Variants in PDIA3 observed in about 807,000 individuals in gnomAD.
PDIA3 encodes protein disulfide isomerase family A member 3.
A neutral mutation model predicts 56.9 loss-of-function variants in PDIA3; 16 were observed. The ratio of observed to expected loss-of-function variants is 0.28; its 90% confidence interval spans 0.19 to 0.43. The LOEUF is 0.43. Ranked by LOEUF, PDIA3 falls within the 20% of genes least tolerant of loss-of-function variation. PDIA3 has a pLI of 1.00. For missense variants in PDIA3, 485 were observed against 621.3 expected (o/e 0.78, Z 2.33); for synonymous variants, 192 against 216.5 (o/e 0.89, Z 0.99).
intron 1 of PDIA3, among the ~76,000 whole-genome samples, chr15:43,752,527 A>AGCCAGTACATTTGAAGTCCC (rs2086751407): frequency 6.6e-6 from 1 of 152,244 alleles, no homozygotes; most frequent in Non-Finnish European, 1.5e-5. Context: ...TGAAAAACAT[A>AGCCAGTACATTTGAAGTCCC]GCCAGTACAT....
rs2086891657 is a variant in PDIA3 at position 43,773,205 on chromosome 15, C to G, written c.*1987C>G. ...TGAAGGTACTCACAGCGACGCTTTT[C>G]TTCTCTGTAACTTGGGTACTGCTGC... On this transcript the variant is annotated 3_prime_UTR_variant, in exon 13 of 13. Coordinates refer to ENST00000300289, the MANE Select transcript of PDIA3 (RefSeq NM_005313.5). 6.2e-7 allele frequency: 1 copy of G among 1,613,948 alleles called. No homozygotes were observed. Among genetic ancestry groups the G allele is most frequent in the Non-Finnish European group, 8.5e-7 (1 of 1,179,982 alleles).
At chr15:43,750,019 C>A (rs1053858177) in intron 1 of PDIA3, among the ~76,000 whole-genome samples, 2 of 149,444 alleles carry the variant, frequency 1.3e-5, no homozygotes, top group Non-Finnish European at 3.0e-5. Context: ...TAAGCAAATT[C>A]TTTTTCCGCT....
intron 3 of PDIA3, among the ~76,000 whole-genome samples, chr15:43,760,118 A>G (rs2141651180): frequency 6.6e-6 from 1 of 151,758 alleles, no homozygotes; most frequent in South Asian, 2.1e-4. Flanking sequence ...AAATGGTTTA[A>G]CAAGGCTCAT....
intron 5 of PDIA3, among the ~76,000 whole-genome samples, chr15:43,764,202 A>G (rs2086834387): frequency 6.6e-6 from 1 of 152,136 alleles, no homozygotes; most frequent in South Asian, 2.1e-4. Flanking sequence ...ACAATTTGCA[A>G]CCTCCCACGT....
Position 43,766,800 on chromosome 15 carries a change from C to T in PDIA3, c.918C>T (p.Thr306=). The T allele has an allele frequency of 6.2e-7, 1 of 1,613,518 alleles. No individual in the cohort carries two copies. The highest frequency in any genetic ancestry group is 8.5e-7 in the Non-Finnish European group (1 of 1,179,442). The change falls in exon 8 of 13, where the codon ACC becomes ACT. Residue 306 remains threonine (T), a synonymous_variant. Coordinates refer to ENST00000300289, the MANE Select transcript of PDIA3 (RefSeq NM_005313.5). ...ACTTTGCTGTAGCTAGCCGCAAAAC[C>T]TTTAGCCATGAACTTTCTGATTTTG... The part of the protein sequence containing the change: ...KLNFAVASRK[T]FSHELSDFGL...
Position 43,771,423 on chromosome 15 carries a change from G to T in PDIA3, c.*205G>T. 1 of 408,032 alleles carries T rather than the reference G, an allele frequency of 2.5e-6. No individual in the cohort carries two copies. Among genetic ancestry groups the T allele is most frequent in the Non-Finnish European group, 4.3e-6 (1 of 232,450 alleles). 25.3% of individuals were successfully genotyped at this position (408,032 alleles called of 1,614,324 possible). A position where few individuals can be genotyped will look rare whatever the true frequency, so the allele number is the denominator to read the frequency against. ...ATACCAGGACCAGTTTATGTTTGTG[G>T]TTTTGGGAAAAATTATTTGTGTTGG... On this transcript the variant is annotated 3_prime_UTR_variant, in exon 13 of 13. Transcript: ENST00000300289.
chr15:43,759,542 T>C (rs1435497160), intron 3 of PDIA3, among the ~76,000 whole-genome samples: 4 of 152,156 alleles, frequency 2.6e-5, no homozygotes, highest in Non-Finnish European at 5.9e-5. Flanking sequence ...ATATGAATAA[T>C]ATTGAGGACT....
intron 12 of PDIA3, among the ~76,000 whole-genome samples, 165 bp downstream of exon 12, chr15:43,770,745 C>T (rs891340459): frequency 6.6e-5 from 10 of 152,052 alleles, no homozygotes; most frequent in African/African-American, 2.2e-4. Context: ...CTCGGCTCAC[C>T]GTTCAAGCGA....
rs199763058 is a variant in PDIA3, at chr15:43,763,224, A to G, written c.602+18A>G. 42 of 1,611,652 alleles carry G rather than the reference A, an allele frequency of 2.6e-5. No individual in the cohort carries two copies. Among genetic ancestry groups the G allele is most frequent in the Non-Finnish European group, 3.5e-5 (41 of 1,178,254 alleles). On this transcript the variant is annotated intron_variant, in intron 5 of 12. Transcript: ENST00000300289. ...AATGGAGAGTAAGTGACTGAGTTGA[A>G]TCTCCTGACCAAGTATTATTGTGTG...
chr15:43,757,542 A>C (rs558120521), intron 3 of PDIA3, among the ~76,000 whole-genome samples: 44 of 148,148 alleles, frequency 3.0e-4, no homozygotes, highest in African/African-American at 1.1e-3. Context: ...TGGGCGACAG[A>C]GCGAGACTCC....
chr15:43,763,525 T>G (rs778385209), intron 5 of PDIA3, among the ~76,000 whole-genome samples: 2 of 152,196 alleles, frequency 1.3e-5, no homozygotes, highest in Non-Finnish European at 2.9e-5. Flanking sequence ...AGTGCTGAGA[T>G]TACAGGCATG....
intron 12 of PDIA3, 38 bp downstream of exon 12, chr15:43,770,618 C>T (rs1352129612): frequency 1.6e-6 from 2 of 1,220,478 alleles, no homozygotes; most frequent in East Asian, 2.3e-5. Flanking sequence ...AATATATACA[C>T]AGACGTAAAC....
In PDIA3 at chr15:43,771,875, G is replaced by A. The variant is rs116410293; in HGVS notation, c.*657G>A. ...TTAGAACAGCTGAAGGGCCTTTCTT[G>A]TTAGGCTGTCCATGCCCTAAGGATG... is the stretch of plus-strand genomic sequence containing the variant. On this transcript the variant is annotated 3_prime_UTR_variant, in exon 13 of 13. Coordinates refer to ENST00000300289, the MANE Select transcript of PDIA3 (RefSeq NM_005313.5). 546 of 360,456 alleles carry A rather than the reference G, an allele frequency of 1.5e-3. 4 individuals carry two copies. Among genetic ancestry groups the A allele is most frequent in the African/African-American group, 0.01 (497 of 48,116 alleles). The allele number at this position is 360,456 out of a possible 1,614,324, so 22.3% of individuals were successfully genotyped here.
chr15:43,748,056 A>C (rs1357210804), intron 1 of PDIA3, among the ~76,000 whole-genome samples: 1 of 152,204 alleles, frequency 6.6e-6, no homozygotes, highest in African/African-American at 2.4e-5. Context: ...GGTGTCAATA[A>C]TTTGTAAAAA....
intron 3 of PDIA3, among the ~76,000 whole-genome samples, chr15:43,757,058 T>G (rs1411483928): frequency 6.6e-6 from 1 of 152,218 alleles, no homozygotes; most frequent in African/African-American, 2.4e-5. Flanking sequence ...TCGTTGGCAT[T>G]TATTGATAAA....
intron 1 of PDIA3, among the ~76,000 whole-genome samples, chr15:43,747,558 G>T (rs1218550547): frequency 8.4e-5 from 12 of 142,728 alleles, no homozygotes; most frequent in South Asian, 2.2e-4. Context: ...TTGAGTGTTT[G>T]TTTTTTTTTT....
chr15:43,761,840 A>G (rs1416743529), intron 4 of PDIA3, among the ~76,000 whole-genome samples: 4 of 152,110 alleles, frequency 2.6e-5, no homozygotes, highest in Admixed American at 2.6e-4. Context: ...AAAATAAAGG[A>G]CTAGGATAGG....
chr15:43,759,838 C>G (rs1291523505), intron 3 of PDIA3, among the ~76,000 whole-genome samples: 3 of 152,164 alleles, frequency 2.0e-5, no homozygotes, highest in African/African-American at 7.2e-5. Flanking sequence ...GTAATCCCAG[C>G]ACTTTGGGAG....
chr15:43,762,248 A>G (rs1452503472), intron 4 of PDIA3, among the ~76,000 whole-genome samples: 4 of 152,194 alleles, frequency 2.6e-5, no homozygotes, highest in African/African-American at 4.8e-5. Flanking sequence ...TCAGTGGCTC[A>G]CGCCTGTAAT....
Sources: allele counts gnomAD v4.1 joint callset (sites outside exome capture counted in the v4.1 genomes callset), GRCh38; gene constraint gnomAD v4.1.1; transcripts MANE v1.5; gene names NCBI Gene and HGNC (gene_info 2026-07-23, HGNC 2026-07-21).